The following GNA14 variants were observed in gnomAD, a reference collection of about 807,000 sequenced individuals.
The protein encoded by GNA14 is guanine nucleotide-binding protein subunit alpha-14.
GNA14 carries 50 observed loss-of-function variants against 42.0 expected under a neutral mutation model. That is an observed-to-expected ratio of 1.19 (90% CI 0.95 to 1.51). The LOEUF is 1.51. GNA14 is among the 40% of genes most tolerant of loss of function. The pLI is 0.00. For synonymous variants in GNA14, 173 were observed against 163.1 expected (o/e 1.06, Z -0.46); for missense variants, 473 against 446.2 (o/e 1.06, Z -0.54).
At chr9:77,462,319 G>C (rs533551658) in intron 2 of GNA14, among the ~76,000 whole-genome samples, 1 of 152,166 alleles carries the variant, frequency 6.6e-6, no homozygotes, top group Non-Finnish European at 1.5e-5. Context: ...ATACCAGTGA[G>C]GGGGGAATCC....
rs113819295 is a variant in GNA14, at chr9:77,584,669, A to G, written c.125-55416T>C. On this transcript the variant is annotated intron_variant, in intron 1 of 6. Coordinates refer to ENST00000341700, the MANE Select transcript of GNA14 (RefSeq NM_004297.4). ...GGTTCTTGGATCTCATGCAAGAAAG[A>G]ATTCAGGGTGAGTCCGTAGAGTAAA... Among the ~76,000 whole-genome samples, 79 of 152,324 alleles carry G rather than the reference A, an allele frequency of 5.2e-4. 1 individual carries two copies. The highest frequency in any genetic ancestry group is 1.9e-3 in the African/African-American group (78 of 41,566).
At chr9:77,492,909 G>T (rs1476740075) in intron 2 of GNA14, among the ~76,000 whole-genome samples, 1 of 149,704 alleles carries the variant, frequency 6.7e-6, no homozygotes, top group African/African-American at 2.5e-5. Flanking sequence ...GCTGAGGCAG[G>T]AGAATTGCTT....
rs1835551268 is a variant in GNA14 at position 77,431,373 on chromosome 9, G to A, written c.541C>T (p.Pro181Ser). 1 of 1,613,262 alleles carries A rather than the reference G, an allele frequency of 6.2e-7. No homozygotes were observed. The highest frequency in any genetic ancestry group is 1.3e-5 in the African/African-American group (1 of 74,886). The change falls in exon 4 of 7, where the codon CCC becomes TCC. Residue 181 changes from proline to serine, a missense_variant. Physicochemically the swap from Pro to Ser is moderately conservative, Grantham distance 74. Transcript: ENST00000341700. ...GGATACTCAATGATGCCGGTGGTGG[G>A]CACTCGGACGCGAAGCACATCTTGT... ...TQQDVLRVRV[P>S]TTGIIEYPFD...
At chr9:77,538,962 A>C (rs973145264) in intron 1 of GNA14, among the ~76,000 whole-genome samples, 3 of 152,200 alleles carry the variant, frequency 2.0e-5, no homozygotes, top group African/African-American at 7.2e-5. Flanking sequence ...AAAGAGGTAC[A>C]ATTTGACTTC....
At chr9:77,640,372 T>A (rs1220977453) in intron 1 of GNA14, among the ~76,000 whole-genome samples, 1 of 152,124 alleles carries the variant, frequency 6.6e-6, no homozygotes, top group Non-Finnish European at 1.5e-5. Context: ...CTTCCCAATA[T>A]CATGAACTCC....
chr9:77,581,622 C>T (rs370793733), intron 1 of GNA14, among the ~76,000 whole-genome samples: 1 of 152,186 alleles, frequency 6.6e-6, no homozygotes, highest in African/African-American at 2.4e-5. Flanking sequence ...CTGGTTCGGA[C>T]ATTGGTAAAA....
chr9:77,641,828 T>TA (rs1303064548), intron 1 of GNA14, among the ~76,000 whole-genome samples: 3 of 152,104 alleles, frequency 2.0e-5, no homozygotes, highest in African/African-American at 7.2e-5. Flanking sequence ...AGACCTTTCA[T>TA]AAGTGTACTG....
chr9:77,599,901 A>T (rs1384557165), intron 1 of GNA14, among the ~76,000 whole-genome samples: 1 of 152,262 alleles, frequency 6.6e-6, no homozygotes, highest in East Asian at 1.9e-4. Context: ...AAAAAATTGT[A>T]ACTATAGAGT....
rs2118053352 is a variant in GNA14 at position 77,647,765 on chromosome 9, T to C, written c.29A>G (p.Glu10Gly). ...GCTGATGCGCTGCGACTCCTTCTCC[T>C]CCGCGGACAGGCAGCAGCAGCCGGC... The part of the protein sequence containing the change: MAGCCCLSA[E>G]EKESQRISAE... The change falls in exon 1 of 7, where the codon GAG becomes GGG. Residue 10 changes from glutamate (E) to glycine (G), a missense_variant. Physicochemically the swap from Glu to Gly is moderately conservative, Grantham distance 98. Transcript: ENST00000341700. The C allele has an allele frequency of 1.9e-6, 3 of 1,610,234 alleles. No individual in the cohort carries two copies. The East Asian group carries it at 6.7e-5, about 36-fold the overall frequency.
rs148859407 is a variant in GNA14, at chr9:77,512,191, C to T, written c.309+16878G>A. ...AAAATATTTCCAGAACACAAACATA[C>T]GATTTATTTAACAAAAATCTGTAAT... On this transcript the variant is annotated intron_variant, in intron 2 of 6. Transcript: ENST00000341700. 7.4e-4 allele frequency among the ~76,000 whole-genome samples: 113 copies of T among 152,104 alleles called. 1 individual carries two copies. Among genetic ancestry groups the T allele is most frequent in the African/African-American group, 2.7e-3 (110 of 41,472 alleles).
intron 2 of GNA14, among the ~76,000 whole-genome samples, chr9:77,489,783 G>A (rs990344779): frequency 6.6e-6 from 1 of 152,192 alleles, no homozygotes; most frequent in Admixed American, 6.5e-5. Context: ...CAGGACTGAA[G>A]CTGCAGATCT....
At position 77,621,136 on chromosome 9, in the gene GNA14, G is replaced by A. The variant is rs556675381; in HGVS notation, c.124+26534C>T. On this transcript the variant is annotated intron_variant, in intron 1 of 6. Transcript: ENST00000341700. ...TTTTGTAGAGATGGAGTTTTGCCAC[G>A]TTGACCAGGCTGGTCTCAAACTCCT... Among the ~76,000 whole-genome samples, 10 of 152,028 alleles carry A rather than the reference G, an allele frequency of 6.6e-5. No homozygotes were observed. In the East Asian group the frequency reaches 1.4e-3, roughly 21 times the overall value.
At chr9:77,541,504 T>C (rs1312767493) in intron 1 of GNA14, among the ~76,000 whole-genome samples, 1 of 152,222 alleles carries the variant, frequency 6.6e-6, no homozygotes, top group African/African-American at 2.4e-5. Context: ...TTGACTATAA[T>C]ATGCTGTGGA....
chr9:77,462,505 G>A (rs1836125654), intron 2 of GNA14, among the ~76,000 whole-genome samples: 1 of 152,120 alleles, frequency 6.6e-6, no homozygotes, highest in South Asian at 2.1e-4. Context: ...TGGACACGAG[G>A]TCAGGAGTTC....
chr9:77,589,176 G>C (rs928908837), intron 1 of GNA14, among the ~76,000 whole-genome samples: 2 of 152,166 alleles, frequency 1.3e-5, no homozygotes, highest in East Asian at 3.8e-4. Flanking sequence ...GGTTTTCACA[G>C]GTGCATTTCT....
intron 2 of GNA14, among the ~76,000 whole-genome samples, chr9:77,513,427 G>T (rs1837201132): frequency 6.6e-6 from 1 of 152,192 alleles, no homozygotes. Flanking sequence ...CTACATTGAA[G>T]AACTATTTAA....
chr9:77,535,628 C>G (rs943679275), intron 1 of GNA14, among the ~76,000 whole-genome samples: 3 of 152,276 alleles, frequency 2.0e-5, no homozygotes, highest in Admixed American at 1.3e-4. Context: ...AAATGACTCC[C>G]TACCTAAGTG....
At chr9:77,617,425 A>G (rs1235236453) in intron 1 of GNA14, among the ~76,000 whole-genome samples, 1 of 151,968 alleles carries the variant, frequency 6.6e-6, no homozygotes, top group Non-Finnish European at 1.5e-5. Context: ...AATACATCCA[A>G]TCAACTCTAC....
At chr9:77,504,205 A>G (rs1048376784) in intron 2 of GNA14, among the ~76,000 whole-genome samples, 7 of 152,196 alleles carry the variant, frequency 4.6e-5, no homozygotes, top group African/African-American at 9.6e-5. Context: ...ATGGAAACAA[A>G]TCTTTTTCAC....
Sources: allele counts gnomAD v4.1 joint callset (sites outside exome capture counted in the v4.1 genomes callset), GRCh38; gene constraint gnomAD v4.1.1; transcripts MANE v1.5; gene names NCBI Gene and HGNC (gene_info 2026-07-23, HGNC 2026-07-21).